Variants in OPCML observed in about 807,000 individuals in gnomAD.
The protein encoded by OPCML is opioid-binding protein/cell adhesion molecule.
In OPCML, 13 loss-of-function variants were observed where a neutral mutation model predicts 37.8. The ratio of observed to expected loss-of-function variants is 0.34; its 90% CI spans 0.22 to 0.55. OPCML has a LOEUF of 0.55. Among genes scored for constraint, OPCML ranks in the 20% least tolerant of loss-of-function variants. OPCML has a pLI of 0.91. For synonymous variants in OPCML, 176 were observed against 168.8 expected, an observed-to-expected ratio of 1.04 and a Z score of -0.33; for missense variants, 341 against 435.6, an observed-to-expected ratio of 0.78 and a Z score of 1.93.
At chr11:132,642,233 T>G (rs530156225) in intron 3 of OPCML, among the ~76,000 whole-genome samples, 1 of 152,230 alleles carries the variant, frequency 6.6e-6, no homozygotes, top group African/African-American at 2.4e-5. Flanking sequence ...TTGCTGATAT[T>G]ATTTCTCTTT....
intron 2 of OPCML, among the ~76,000 whole-genome samples, chr11:132,767,256 G>A (rs1377720004): frequency 1.3e-5 from 2 of 152,070 alleles, no homozygotes; most frequent in South Asian, 2.1e-4. Context: ...TAGTTTATTC[G>A]ACCTTCATTA....
intron 2 of OPCML, among the ~76,000 whole-genome samples, chr11:132,856,783 C>T (rs1942074061): frequency 6.6e-6 from 1 of 152,174 alleles, no homozygotes; most frequent in Non-Finnish European, 1.5e-5. Context: ...CAGACACCCA[C>T]CCCAAGGGAA....
At chr11:132,690,634 C>G (rs1943361998) in intron 2 of OPCML, among the ~76,000 whole-genome samples, 1 of 152,150 alleles carries the variant, frequency 6.6e-6, no homozygotes, top group African/African-American at 2.4e-5. Context: ...TACATCTATT[C>G]AGTCATTCAT....
chr11:133,106,748 A>G (rs1949164846), intron 1 of OPCML, among the ~76,000 whole-genome samples: 1 of 152,238 alleles, frequency 6.6e-6, no homozygotes, highest in African/African-American at 2.4e-5. Context: ...TGGAGAAGAC[A>G]AAAATAAAAA....
At chr11:133,314,765 G>A (rs990348004) in intron 1 of OPCML, among the ~76,000 whole-genome samples, 3 of 152,122 alleles carry the variant, frequency 2.0e-5, no homozygotes, top group Non-Finnish European at 2.9e-5. Flanking sequence ...ATGTGCCCAC[G>A]GCTCCCAAGC....
At chr11:133,046,094 G>A (rs909155807) in intron 1 of OPCML, among the ~76,000 whole-genome samples, 2 of 152,184 alleles carry the variant, frequency 1.3e-5, no homozygotes, top group Non-Finnish European at 2.9e-5. Context: ...GGAGACACCA[G>A]CCCGAGATTC....
At chr11:133,301,866 A>T (rs866211287) in intron 1 of OPCML, 5 of 152,188 alleles carry the variant, frequency 3.3e-5, no homozygotes, top group Non-Finnish European at 7.4e-5. Context: ...CATCTTCTGG[A>T]TCCATAGTCA....
intron 1 of OPCML, among the ~76,000 whole-genome samples, chr11:132,957,553 C>T (rs1208319507): frequency 6.6e-6 from 1 of 151,976 alleles, no homozygotes; most frequent in Non-Finnish European, 1.5e-5. Flanking sequence ...ACAGGCACAC[C>T]TTGTTTTATT....
chr11:133,478,017 G>C (rs1947282363), intron 1 of OPCML, among the ~76,000 whole-genome samples: 1 of 152,162 alleles, frequency 6.6e-6, no homozygotes, highest in South Asian at 2.1e-4. Context: ...ATAATTATGA[G>C]AAAGCCAATT....
At chr11:133,393,039 T>C (rs547091617) in intron 1 of OPCML, among the ~76,000 whole-genome samples, 75 of 51,670 alleles carry the variant, frequency 1.5e-3, no homozygotes, top group Non-Finnish European at 1.9e-3. Context: ...GTCTGTTTAG[T>C]GACTTTTTTT....
At chr11:133,200,444 A>C (rs751912614) in intron 1 of OPCML, among the ~76,000 whole-genome samples, 1 of 152,216 alleles carries the variant, frequency 6.6e-6, no homozygotes, top group Admixed American at 6.5e-5. Context: ...GCCAAAGTAC[A>C]TAAAGCAAAA....
At chr11:133,024,910 C>G (rs1947522283) in intron 1 of OPCML, 1 of 985,242 alleles carries the variant, frequency 1.0e-6, no homozygotes, top group African/African-American at 1.7e-5. Flanking sequence ...TTATCTACAG[C>G]ATACAAATTT....
At chr11:133,009,535 C>G (rs1947176789) in intron 1 of OPCML, among the ~76,000 whole-genome samples, 1 of 152,192 alleles carries the variant, frequency 6.6e-6, no homozygotes, top group Non-Finnish European at 1.5e-5. Flanking sequence ...TTAGTCCACT[C>G]TATACTCTAC....
At chr11:132,668,171 C>T (rs1458829564) in intron 2 of OPCML, among the ~76,000 whole-genome samples, 1 of 152,086 alleles carries the variant, frequency 6.6e-6, no homozygotes, top group Non-Finnish European at 1.5e-5. Context: ...GTGAAATGAG[C>T]AATAGTCACC....
At chr11:132,771,121 T>C (rs1018409764) in intron 2 of OPCML, among the ~76,000 whole-genome samples, 1 of 152,152 alleles carries the variant, frequency 6.6e-6, no homozygotes, top group African/African-American at 2.4e-5. Flanking sequence ...TATGTGAAAA[T>C]AACCTTCATC....
At chr11:133,458,758 C>T (rs186135396) in intron 1 of OPCML, among the ~76,000 whole-genome samples, 1 of 126,472 alleles carries the variant, frequency 7.9e-6, no homozygotes, top group East Asian at 2.3e-4. Flanking sequence ...TATATATACA[C>T]ATAGATGCAC....
intron 1 of OPCML, among the ~76,000 whole-genome samples, chr11:133,296,550 A>C (rs531250683): frequency 4.6e-5 from 7 of 152,288 alleles, no homozygotes; most frequent in Non-Finnish European, 8.8e-5. Flanking sequence ...AGAAAATGTT[A>C]ATTTCATTTC....
chr11:132,639,041 T>C (rs1433909662), intron 3 of OPCML, among the ~76,000 whole-genome samples: 1 of 152,204 alleles, frequency 6.6e-6, no homozygotes, highest in Admixed American at 6.5e-5. Context: ...ACTGCTTTCT[T>C]GTAGCCACGT....
intron 4 of OPCML, among the ~76,000 whole-genome samples, chr11:132,480,832 C>T (rs1053396535): frequency 6.6e-6 from 1 of 151,928 alleles, no homozygotes. Flanking sequence ...GAGATTTTGT[C>T]ACCACCAGCC....
Sources: gnomAD v4.1 joint callset for allele counts (sites outside exome capture counted in the v4.1 genomes callset) on GRCh38, gnomAD v4.1.1 for gene constraint, MANE v1.5 for transcripts, NCBI Gene and HGNC (gene_info 2026-07-23, HGNC 2026-07-21) for gene names.